LRRK2: variants seen among roughly 807,000 people sequenced by gnomAD.
LRRK2 encodes leucine-rich repeat serine/threonine-protein kinase 2.
In LRRK2, 203 loss-of-function variants were observed where a neutral mutation model predicts 302.6. That is an observed-to-expected ratio of 0.67 (90% confidence interval 0.60 to 0.75). LRRK2 has a LOEUF of 0.75. Among genes scored for constraint, LRRK2 ranks in the 30% least tolerant of loss-of-function variants. LRRK2 has a pLI of 0.00. For synonymous variants in LRRK2, 1,066 were observed against 1,031.9 expected, an observed-to-expected ratio of 1.03 and a Z score of -0.63; for missense variants, 2,830 against 2,951.0, an observed-to-expected ratio of 0.96 and a Z score of 0.95.
chr12:40,266,586 C>T (rs1451054532), intron 14 of LRRK2, among the ~76,000 whole-genome samples: 1 of 152,128 alleles, frequency 6.6e-6, no homozygotes, highest in Non-Finnish European at 1.5e-5. Context: ...TTGTGGAAGA[C>T]AGTGTGGCGA....
At chr12:40,333,001 A>G (rs1228359325) in intron 39 of LRRK2, among the ~76,000 whole-genome samples, 6 of 151,952 alleles carry the variant, frequency 3.9e-5, no homozygotes, top group Non-Finnish European at 8.8e-5. Context: ...AAAGAAAGAA[A>G]AATGACATTT....
Position 40,323,265 on chromosome 12 carries a change from A to G in LRRK2, c.5615A>G (p.Asn1872Ser), listed in dbSNP as rs199553529. 1.9e-5 allele frequency: 30 copies of G among 1,613,166 alleles called. No individual in the cohort carries two copies. In the South Asian group the frequency reaches 2.4e-4, roughly 13 times the overall value. The stretch of plus-strand genomic sequence containing the variant: ...CTGCCTAGAAATATTATGTTGAATA[A>G]TGATGAGTTGGAATTTGAACAAGCT... ...ADLPRNIMLN[N>S]DELEFEQAPE... is the part of the protein sequence containing the mutation. Residue 1872 changes from asparagine (N) to serine (S), a missense_variant, in exon 38 of 51, where the codon AAT (asparagine) becomes AGT (serine). Physicochemically the swap from Asn to Ser is conservative, Grantham distance 46. Transcript: ENST00000298910.
chr12:40,351,538 G>C lies in LRRK2; in HGVS notation c.6382-1G>C. On this transcript the variant is annotated splice_acceptor_variant, in intron 43 of 50. Transcript: ENST00000298910. LOFTEE classifies it high-confidence loss of function. ...GTTTTGTTATCTTTAAACTTTCTCA[G>C]GTCTTTGACATTTTGAATTCAGCTG... 1.9e-6 allele frequency: 3 copies of C among 1,613,934 alleles called. No individual in the cohort carries two copies. The highest frequency in any genetic ancestry group is 2.5e-6 in the Non-Finnish European group (3 of 1,179,924).
chr12:40,306,014 T>A (rs1487598514), intron 28 of LRRK2, 48 bp downstream of exon 28: 1 of 1,418,096 alleles, frequency 7.1e-7, no homozygotes, highest in South Asian at 1.2e-5. Flanking sequence ...ATTTCAGATT[T>A]TCTACTCTCT....
At chr12:40,313,399 A>G (rs10467144) in intron 31 of LRRK2, among the ~76,000 whole-genome samples, 86,011 of 151,736 alleles carry the variant, frequency 0.57, 24,521 homozygotes, top group South Asian at 0.7. Flanking sequence ...AGAATCACTG[A>G]TGTTTAGATG....
In LRRK2 at chr12:40,298,504, G is replaced by T. The variant is rs560843515; in HGVS notation, c.3347+11G>T. 3.1e-6 allele frequency: 5 copies of T among 1,613,582 alleles called. No homozygotes were observed. In the South Asian group the frequency reaches 3.3e-5, roughly 11 times the overall value. Reference sequence around the variant, plus strand: ...GCTCATTTTAGAAGGGTAAGAAAGAGCTCATTAAAAATAAAAGGGTTGCCT... The same window carrying T: ...GCTCATTTTAGAAGGGTAAGAAAGATCTCATTAAAAATAAAAGGGTTGCCT... On this transcript the variant is annotated intron_variant, in intron 24 of 50. Transcript: ENST00000298910.
At chr12:40,255,406 A>G (rs1942456795) in intron 11 of LRRK2, among the ~76,000 whole-genome samples, 1 of 152,182 alleles carries the variant, frequency 6.6e-6, no homozygotes, top group Non-Finnish European at 1.5e-5. Flanking sequence ...GGATGAGATC[A>G]AGAGTATTAC....
Position 40,257,449 on chromosome 12 carries a change from A to G in LRRK2, c.1418+72A>G, listed in dbSNP as rs10506149. On this transcript the variant is annotated intron_variant, in intron 12 of 50. Coordinates refer to ENST00000298910, the MANE Select transcript of LRRK2 (RefSeq NM_198578.4). ...GGTAGAATATCAATATTTCAAGCAT[A>G]TTTCTAACAATGAAAAGAAAAAGAA... 5,602 of 1,530,932 alleles carry G rather than the reference A, an allele frequency of 3.7e-3. 167 individuals are homozygous for G. The African/African-American group carries it at 0.068, about 19-fold the overall frequency. The allele number at this position is 1,530,932 out of a possible 1,614,324, so 94.8% of individuals were successfully genotyped here.
At chr12:40,256,201 C>T (rs1366372104) in intron 11 of LRRK2, among the ~76,000 whole-genome samples, 1 of 152,178 alleles carries the variant, frequency 6.6e-6, no homozygotes, top group Non-Finnish European at 1.5e-5. Flanking sequence ...AATCCCAGCA[C>T]TTTGGGAGGC....
At chr12:40,353,048 G>A (rs1008487150) in intron 44 of LRRK2, among the ~76,000 whole-genome samples, 10 of 151,406 alleles carry the variant, frequency 6.6e-5, no homozygotes, top group African/African-American at 1.9e-4. Context: ...GGGCAGAGGC[G>A]CCCCCCACCT....
chr12:40,284,493 G>T (rs1943841337), intron 19 of LRRK2, among the ~76,000 whole-genome samples: 1 of 151,526 alleles, frequency 6.6e-6, no homozygotes. Flanking sequence ...TAATTAATAT[G>T]GATATTTTTC....
At chr12:40,283,740 A>G (rs1000808646) in intron 18 of LRRK2, 135 bp from the exon 19 acceptor site, 4 of 680,606 alleles carry the variant, frequency 5.9e-6, no homozygotes, top group Non-Finnish European at 9.8e-6. Context: ...TTCAAGGATC[A>G]GTTTTGCCTT....
In LRRK2 at chr12:40,300,148, A is replaced by C. The variant is rs1449907476; in HGVS notation, c.3496+891A>C. Among the ~76,000 whole-genome samples, 5 of 152,316 alleles carry C rather than the reference A, an allele frequency of 3.3e-5. No homozygotes were observed. The South Asian group carries it at 8.3e-4, about 25-fold the overall frequency. ...TGATTACTCTTTGCTGTTGTTAGAA[A>C]TAAAATTAATCATTTAATGGTTTTC... On this transcript the variant is annotated intron_variant, in intron 25 of 50. Coordinates refer to ENST00000298910, the MANE Select transcript of LRRK2 (RefSeq NM_198578.4).
chr12:40,295,764 T>C, intron 23 of LRRK2, 120 bp downstream of exon 23: 1 of 929,824 alleles, frequency 1.1e-6, no homozygotes, highest in Non-Finnish European at 1.6e-6. Context: ...GGGTGATAAG[T>C]CCCCCGTGCC....
intron 21 of LRRK2, among the ~76,000 whole-genome samples, chr12:40,294,201 C>A (rs1024928492): frequency 1.3e-5 from 2 of 151,476 alleles, no homozygotes; most frequent in African/African-American, 4.9e-5. Flanking sequence ...AATCATCTAT[C>A]TATTTTGGTG....
chr12:40,267,475 T>A (rs1943066715), intron 14 of LRRK2, among the ~76,000 whole-genome samples: 1 of 151,998 alleles, frequency 6.6e-6, no homozygotes. Flanking sequence ...GCCGTATAGA[T>A]AACTGGTTCC....
rs768107784 is a variant in LRRK2, at chr12:40,356,146, G to A, written c.6802G>A (p.Ala2268Thr). 12 of 1,611,924 alleles carry A rather than the reference G, an allele frequency of 7.4e-6. No individual in the cohort carries two copies. The highest frequency in any genetic ancestry group is 6.7e-5 in the Admixed American group (4 of 59,838). ...KQKNFLLVGT[A>T]DGKLAIFEDK... The stretch of plus-strand genomic sequence containing the variant: ...AAAAAATTTTCTTTTGGTTGGAACC[G>A]CTGATGGCAAGTTAGCAATTTTTGA... The change falls in exon 46 of 51, where the codon GCT (alanine) becomes ACT (threonine). Residue 2268 changes from alanine to threonine, a missense_variant. This residue lies in a region of LRRK2 where 456 missense variants were observed against 456.3 expected (regional missense o/e 1.00). Coordinates refer to ENST00000298910, the MANE Select transcript of LRRK2 (RefSeq NM_198578.4).
At position 40,280,621 on chromosome 12, in the gene LRRK2, T is replaced by TTAAATAAAATAAAATAAAATAAAA. The variant is rs147801391; in HGVS notation, c.2241+2364_2241+2365insTAAAATAAAATAAAATAAAATAAA. 7.0e-4 allele frequency among the ~76,000 whole-genome samples: 93 copies of TTAAATAAAATAAAATAAAATAAAA among 132,634 alleles called. 1 individual carries two copies. The highest frequency in any genetic ancestry group is 3.6e-3 in the South Asian group (15 of 4,124). The allele number at this position is 132,634 out of a possible 152,430, so 87.0% of individuals were successfully genotyped here. A position where few individuals can be genotyped will look rare whatever the true frequency, so the allele number is the denominator to read the frequency against. ...GCCTAGGCAACAGAGCCAGACCCTG[T>TTAAATAAAATAAAATAAAATAAAA]TAAAATAAAATAAAATAAAATAAAA... On this transcript the variant is annotated intron_variant, in intron 18 of 50. Transcript: ENST00000298910.
At position 40,304,080 on chromosome 12, in the gene LRRK2, A is replaced by G. The variant is rs773183350; in HGVS notation, c.3723A>G (p.Ala1241=). 1 of 1,613,708 alleles carries G rather than the reference A, an allele frequency of 6.2e-7. No individual in the cohort carries two copies. The highest frequency in any genetic ancestry group is 8.5e-7 in the Non-Finnish European group (1 of 1,179,740). Residue 1241 remains alanine, a synonymous_variant, in exon 27 of 51, where the codon GCA becomes GCG. Transcript: ENST00000298910. The stretch of plus-strand genomic sequence containing the variant: ...GCATCTTGGACTTGAGTGAAAAAGC[A>G]TATTTATGGTCTAGAGTAGAGAAAC... ...QISILDLSEK[A]YLWSRVEKLH... is the part of the protein sequence containing the mutation.
Sources: allele counts gnomAD v4.1 joint callset (sites outside exome capture counted in the v4.1 genomes callset), GRCh38; gene constraint gnomAD v4.1.1; regional missense constraint gnomAD v4.1.1; transcripts MANE v1.5; gene names NCBI Gene and HGNC (gene_info 2026-07-23, HGNC 2026-07-21).